The following ADGRV1 variants were observed in gnomAD, a reference collection of about 807,000 sequenced individuals.
The protein encoded by ADGRV1 is G-protein coupled receptor 98.
ADGRV1 carries 359 observed loss-of-function variants against 596.2 expected under a neutral mutation model. That is an observed-to-expected ratio of 0.60 (90% CI 0.55 to 0.66). The LOEUF (loss-of-function observed/expected upper bound fraction) is 0.66. Among genes scored for constraint, ADGRV1 ranks in the 30% least tolerant of loss-of-function variants. The probability of loss-of-function intolerance (pLI) is 0.00; values close to 1 mark genes in which losing one functional copy is unlikely to be tolerated. For missense variants in ADGRV1, 7,274 were observed against 7,575.6 expected, an observed-to-expected ratio of 0.96 and a Z score of 1.48; for synonymous variants, 2,681 against 2,679.2, an observed-to-expected ratio of 1.00 and a Z score of -0.02.
intron 83 of ADGRV1, among the ~76,000 whole-genome samples, chr5:90,904,369 A>C (rs1170582028): frequency 2.0e-5 from 3 of 152,124 alleles, no homozygotes; most frequent in Non-Finnish European, 4.4e-5. Flanking sequence ...ACTAATTTAC[A>C]TTCCCAGCAA....
At chr5:90,815,489 C>T (rs1367298028) in intron 74 of ADGRV1, 130 bp from the exon 75 acceptor site, 5 of 516,584 alleles carry the variant, frequency 9.7e-6, no homozygotes, top group Non-Finnish European at 1.4e-5. Context: ...GATCTTTTAA[C>T]AACTGTAGCT....
At chr5:90,830,297 G>A (rs1764417298) in intron 77 of ADGRV1, among the ~76,000 whole-genome samples, 1 of 152,134 alleles carries the variant, frequency 6.6e-6, no homozygotes, top group Non-Finnish European at 1.5e-5. Flanking sequence ...ATTCTAAATA[G>A]CACAAAGTGA....
At chr5:90,589,237 C>G (rs149508126) in intron 1 of ADGRV1, among the ~76,000 whole-genome samples, 2 of 152,200 alleles carry the variant, frequency 1.3e-5, no homozygotes, top group African/African-American at 4.8e-5. Context: ...TACATTATTA[C>G]AAAAAGACTC....
At chr5:91,140,166 A>C (rs1794976951) in intron 87 of ADGRV1, among the ~76,000 whole-genome samples, 1 of 152,192 alleles carries the variant, frequency 6.6e-6, no homozygotes, top group Non-Finnish European at 1.5e-5. Context: ...GGGGTACTTA[A>C]CACATCTCAC....
At chr5:90,618,246 T>C (rs1170928535) in intron 3 of ADGRV1, among the ~76,000 whole-genome samples, 1 of 152,194 alleles carries the variant, frequency 6.6e-6, no homozygotes, top group Non-Finnish European at 1.5e-5. Flanking sequence ...TTTTCTTTTA[T>C]TCCTCCCCTG....
At chr5:90,910,294 AT>A (rs1478923395) in intron 83 of ADGRV1, among the ~76,000 whole-genome samples, 2 of 152,230 alleles carry the variant, frequency 1.3e-5, no homozygotes, top group Non-Finnish European at 1.5e-5. Context: ...TTTTAATCAG[AT>A]ATAACCGAAC....
chr5:91,079,253 T>C (rs1789122649), intron 86 of ADGRV1, among the ~76,000 whole-genome samples: 1 of 152,186 alleles, frequency 6.6e-6, no homozygotes, highest in African/African-American at 2.4e-5. Context: ...AGCTTCTCAC[T>C]CAACCGTGAA....
At chr5:90,704,288 A>C in intron 35 of ADGRV1, 101 bp from the exon 36 acceptor site, 1 of 738,908 alleles carries the variant, frequency 1.4e-6, no homozygotes. Flanking sequence ...TTAAATGAAA[A>C]TATATTTGCC....
At position 90,724,963 on chromosome 5, in the gene ADGRV1, T is replaced by C; in HGVS notation, c.9880T>C (p.Trp3294Arg). The change falls in exon 46 of 90, where the codon TGG becomes CGG. Residue 3294 changes from tryptophan to arginine, a missense_variant. By Grantham distance (101) the Trp-to-Arg change is moderately radical. This residue lies in a region of ADGRV1 where 3,643 missense variants were observed against 3,809.2 expected (regional missense o/e 0.96). Transcript: ENST00000405460. ...AAAATCATCTGTTACTGTTTACCGATGGCAGGGGATTTTTATTCCAGTTGA... is the reference window on the plus strand; with the variant it reads ...AAAATCATCTGTTACTGTTTACCGACGGCAGGGGATTTTTATTCCAGTTGA... ...LRKSSVTVYR[W>R]QGIFIPVEDL... The C allele has an allele frequency of 6.2e-7, 1 of 1,603,166 alleles. No homozygotes were observed.
At chr5:91,146,760 G>A (rs1795564353) in intron 87 of ADGRV1, among the ~76,000 whole-genome samples, 1 of 152,184 alleles carries the variant, frequency 6.6e-6, no homozygotes, top group Non-Finnish European at 1.5e-5. Context: ...AAGTTAAGAA[G>A]TTTGCTTTCT....
chr5:91,044,205 C>A (rs184791813), intron 85 of ADGRV1, among the ~76,000 whole-genome samples: 1 of 152,096 alleles, frequency 6.6e-6, no homozygotes, highest in African/African-American at 2.4e-5. Context: ...TGTGCTTGCA[C>A]TGAATTGAAC....
chr5:91,077,574 A>G (rs1284626796), intron 86 of ADGRV1, among the ~76,000 whole-genome samples: 1 of 152,212 alleles, frequency 6.6e-6, no homozygotes, highest in East Asian at 1.9e-4. Context: ...AGTGCTATAG[A>G]TGCCCACTGT....
At chr5:90,763,532 T>C in intron 59 of ADGRV1, 63 bp downstream of exon 59, 1 of 1,509,946 alleles carries the variant, frequency 6.6e-7, no homozygotes. Flanking sequence ...TCTTTTTCCT[T>C]TTTATTGTAA....
intron 83 of ADGRV1, among the ~76,000 whole-genome samples, chr5:90,923,783 C>T (rs1010645867): frequency 2.0e-5 from 3 of 151,556 alleles, no homozygotes; most frequent in Non-Finnish European, 2.9e-5. Flanking sequence ...CTCCCCCTGC[C>T]CCCCACCCCA....
chr5:91,007,342 A>G lies in ADGRV1; in HGVS notation c.18152+21820A>G, dbSNP rs569700054. 3.9e-5 allele frequency among the ~76,000 whole-genome samples: 6 copies of G among 152,178 alleles called. No individual in the cohort carries two copies. The South Asian group carries it at 1.2e-3, about 32-fold the overall frequency. ...TAATACAAAATGTTTTTTAACATAT[A>G]CTCATAGTGTAGCCTTCAGTGCTTA... On this transcript the variant is annotated intron_variant, in intron 85 of 89. Transcript: ENST00000405460.
intron 21 of ADGRV1, among the ~76,000 whole-genome samples, chr5:90,666,430 T>G (rs1771397595): frequency 6.6e-6 from 1 of 152,112 alleles, no homozygotes; most frequent in Admixed American, 6.6e-5. Context: ...GAGAGTAGGA[T>G]TGCAACACCT....
rs1325236327 is a variant in ADGRV1 at position 90,811,088 on chromosome 5, T to C, written c.15828T>C (p.Phe5276=). 6.2e-7 allele frequency: 1 copy of C among 1,613,778 alleles called. No homozygotes were observed. Among genetic ancestry groups the C allele is most frequent in the African/African-American group, 1.3e-5 (1 of 74,926 alleles). The change falls in exon 74 of 90, where the codon TTT becomes TTC. Residue 5276 remains phenylalanine (F), a synonymous_variant. Transcript: ENST00000405460. ...CAQMEPNALP[F]RGIYGISNLT... is the part of the protein sequence containing the mutation. ...AGATGGAACCAAATGCATTGCCCTTTCGTGGTATCTATGGGATTTCCAACC... is the reference window on the plus strand; with the variant it reads ...AGATGGAACCAAATGCATTGCCCTTCCGTGGTATCTATGGGATTTCCAACC...
intron 83 of ADGRV1, among the ~76,000 whole-genome samples, chr5:90,955,535 G>C (rs715668): frequency 0.012 from 1,818 of 152,250 alleles, 29 homozygotes; most frequent in African/African-American, 0.041. Context: ...CAAGCACACA[G>C]AATATATTTG....
chr5:90,580,553 G>T (rs919980370), intron 1 of ADGRV1, among the ~76,000 whole-genome samples: 2 of 149,506 alleles, frequency 1.3e-5, no homozygotes. Context: ...TAGTTTGGCT[G>T]GATATGAGAT....
Sources: allele counts gnomAD v4.1 joint callset (sites outside exome capture counted in the v4.1 genomes callset), GRCh38; gene constraint gnomAD v4.1.1; regional missense constraint gnomAD v4.1.1; transcripts MANE v1.5; gene names NCBI Gene and HGNC (gene_info 2026-07-23, HGNC 2026-07-21).